The following CRB1 variants were observed in gnomAD, a reference collection of about 807,000 sequenced individuals.
CRB1 encodes the protein crumbs cell polarity complex component 1.
Under a neutral mutation model 120.0 loss-of-function variants are expected in CRB1, and 83 were observed. That is an observed-to-expected ratio of 0.69 (90% CI 0.58 to 0.83). CRB1 has a LOEUF of 0.83. Among genes scored for constraint, CRB1 ranks in the 40% least tolerant of loss-of-function variants. The probability of loss-of-function intolerance (pLI) is 0.00; values close to 1 mark genes in which losing one functional copy is unlikely to be tolerated. For synonymous variants in CRB1, 625 were observed against 612.5 expected, an observed-to-expected ratio of 1.02 and a Z score of -0.30; for missense variants, 1,699 against 1,687.6, an observed-to-expected ratio of 1.01 and a Z score of -0.12.
chr1:197,384,175 T>A (rs953128429), intron 5 of CRB1, among the ~76,000 whole-genome samples: 2 of 152,184 alleles, frequency 1.3e-5, no homozygotes, highest in African/African-American at 4.8e-5. Context: ...TAAAAAATCC[T>A]CTAAGGTATC....
chr1:197,298,593 G>A (rs373136771), intron 1 of CRB1, among the ~76,000 whole-genome samples: 2 of 152,060 alleles, frequency 1.3e-5, no homozygotes, highest in African/African-American at 2.4e-5. Flanking sequence ...CACTCCTGAG[G>A]AAGAATAATG....
At position 197,334,623 on chromosome 1, in the gene CRB1, C is replaced by G. The variant is rs1367252969; in HGVS notation, c.652+5620C>G. 2.0e-5 allele frequency among the ~76,000 whole-genome samples: 3 copies of G among 152,144 alleles called. No individual in the cohort carries two copies. In the East Asian group the frequency reaches 5.8e-4, roughly 29 times the overall value. On this transcript the variant is annotated intron_variant, in intron 2 of 11. Coordinates refer to ENST00000367400, the MANE Select transcript of CRB1 (RefSeq NM_201253.3). ...ACACCAAGCCCACTGGAACCTTGGT[C>G]TTGAACTTTTAAACATCCGGAGCTA... is the stretch of plus-strand genomic sequence containing the variant.
chr1:197,464,841 T>C (rs1666685538), intron 11 of CRB1, among the ~76,000 whole-genome samples: 1 of 152,208 alleles, frequency 6.6e-6, no homozygotes, highest in African/African-American at 2.4e-5. Context: ...CTTTCTTAAA[T>C]AGATCTCCAA....
Position 197,429,610 on chromosome 1 carries a change from T to C in CRB1, c.2838T>C (p.Phe946=), listed in dbSNP as rs1265701669. 2 of 1,613,824 alleles carry C rather than the reference T, an allele frequency of 1.2e-6. No individual in the cohort carries two copies. The highest frequency in any genetic ancestry group is 2.7e-5 in the African/African-American group (2 of 74,910). Reference sequence around the variant, plus strand: ...AGTGCCAGCCGGTGCTTCAAGGATTTGAATGTAGGTAGAGTTCAAACCTAC... The same window carrying C: ...AGTGCCAGCCGGTGCTTCAAGGATTCGAATGTAGGTAGAGTTCAAACCTAC... ...GAQCQPVLQG[F]ECIANAVFNG... is the part of the protein sequence containing the mutation. The change falls in exon 8 of 12, where the codon TTT becomes TTC. Residue 946 remains phenylalanine (F), a synonymous_variant. Transcript: ENST00000367400.
Position 197,435,554 on chromosome 1 carries a change from A to T in CRB1, c.3691A>T (p.Ser1231Cys), listed in dbSNP as rs1301603175. 1 of 1,613,450 alleles carries T rather than the reference A, an allele frequency of 6.2e-7. No homozygotes were observed. The highest frequency in any genetic ancestry group is 8.5e-7 in the Non-Finnish European group (1 of 1,179,718). ...GTGTGCAAATGGAGCCACCTGCATT[A>T]GTCATACTAATGGCTATTCTTGCCT... ...HQCANGATCI[S>C]HTNGYSCLCF... The change falls in exon 9 of 12, where the codon AGT becomes TGT. Residue 1231 changes from serine to cysteine, a missense_variant. By Grantham distance (112) the Ser-to-Cys change is moderately radical. Transcript: ENST00000367400.
At chr1:197,318,995 C>A (rs910088760) in intron 1 of CRB1, among the ~76,000 whole-genome samples, 1 of 151,702 alleles carries the variant, frequency 6.6e-6, no homozygotes, top group Non-Finnish European at 1.5e-5. Context: ...TCATTACAAG[C>A]AAATGATAAA....
intron 5 of CRB1, among the ~76,000 whole-genome samples, chr1:197,365,745 G>A (rs1383213072): frequency 2.0e-5 from 3 of 151,336 alleles, no homozygotes; most frequent in Admixed American, 6.6e-5. Context: ...AGCCAACCTC[G>A]GCCACCTTCT....
At position 197,299,534 on chromosome 1, in the gene CRB1, A is replaced by G. The variant is rs145074334; in HGVS notation, c.71-28888A>G. On this transcript the variant is annotated intron_variant, in intron 1 of 11. Transcript: ENST00000367400. ...ACTAAAGGAAAAATCTTCAATGTGT[A>G]TGTGCAATCGTGTACAAATCAAAAT... Among the ~76,000 whole-genome samples, 24 of 151,598 alleles carry G rather than the reference A, an allele frequency of 1.6e-4. No homozygotes were observed. In the East Asian group the frequency reaches 4.1e-3, roughly 26 times the overall value.
At chr1:197,444,819 G>GT (rs1235190089) in intron 11 of CRB1, 2 of 151,896 alleles carry the variant, frequency 1.3e-5, no homozygotes, top group East Asian at 3.9e-4. Context: ...CTTTGTTTCT[G>GT]TATCTTCTCT....
chr1:197,426,327 T>A (rs777186442), intron 6 of CRB1, among the ~76,000 whole-genome samples: 11 of 152,100 alleles, frequency 7.2e-5, no homozygotes, highest in Non-Finnish European at 1.0e-4. Flanking sequence ...GATATCACTT[T>A]CTCAGAGTTC....
intron 1 of CRB1, among the ~76,000 whole-genome samples, chr1:197,273,521 C>A (rs1402802486): frequency 6.6e-6 from 1 of 152,060 alleles, no homozygotes; most frequent in Non-Finnish European, 1.5e-5. Context: ...TGATCTCTCT[C>A]CTGGAGGGAA....
chr1:197,362,953 C>T (rs1185891209), intron 5 of CRB1, among the ~76,000 whole-genome samples: 1 of 151,998 alleles, frequency 6.6e-6, no homozygotes, highest in South Asian at 2.1e-4. Context: ...CTTTCTTTCT[C>T]TTTACTTCCT....
At chr1:197,344,254 T>G (rs1393581933) in intron 2 of CRB1, 27 bp from the exon 3 acceptor site, 1 of 1,611,998 alleles carries the variant, frequency 6.2e-7, no homozygotes, top group Admixed American at 1.7e-5. Context: ...ACTTTTTCTG[T>G]TTTTTCTGTG....
At chr1:197,392,579 A>C (rs1662561156) in intron 5 of CRB1, among the ~76,000 whole-genome samples, 1 of 152,138 alleles carries the variant, frequency 6.6e-6, no homozygotes, top group South Asian at 2.1e-4. Context: ...TTCAATCTCA[A>C]GAAAAGACCC....
At chr1:197,344,188 A>G in intron 2 of CRB1, 93 bp from the exon 3 acceptor site, 1 of 1,198,976 alleles carries the variant, frequency 8.3e-7, no homozygotes, top group Admixed American at 1.7e-5. Context: ...ACATTTGACA[A>G]GTGCTCTGGT....
rs148522793 is a variant in CRB1 at position 197,348,546 on chromosome 1, C to T, written c.988+1067C>T. On this transcript the variant is annotated intron_variant, in intron 4 of 11. Coordinates refer to ENST00000367400, the MANE Select transcript of CRB1 (RefSeq NM_201253.3). Reference sequence around the variant, plus strand: ...GGCTGGAATGCAGTGGTGTGATCTCCGCTCACTATAAGCTCCGCCTCCCGG... The same window carrying T: ...GGCTGGAATGCAGTGGTGTGATCTCTGCTCACTATAAGCTCCGCCTCCCGG... Among the ~76,000 whole-genome samples, 97 of 152,110 alleles carry T rather than the reference C, an allele frequency of 6.4e-4. 1 individual carries two copies. In the East Asian group the frequency reaches 0.017, roughly 27 times the overall value.
intron 1 of CRB1, among the ~76,000 whole-genome samples, chr1:197,292,281 T>G (rs1656232953): frequency 6.6e-6 from 1 of 152,140 alleles, no homozygotes; most frequent in Non-Finnish European, 1.5e-5. Context: ...CAGAGAATAC[T>G]ATAAACACCT....
At chr1:197,381,297 A>C (rs1661943418) in intron 5 of CRB1, among the ~76,000 whole-genome samples, 1 of 152,262 alleles carries the variant, frequency 6.6e-6, no homozygotes, top group Admixed American at 6.5e-5. Context: ...ATAATAGAAA[A>C]ATAAAAGGAG....
the CRB1 span, among the ~76,000 whole-genome samples, chr1:197,232,115 A>G: frequency 6.6e-6 from 1 of 152,190 alleles, no homozygotes; most frequent in East Asian, 1.9e-4. Context: ...ATGATGCAGC[A>G]ATGAACTAAG....
Sources: gnomAD v4.1 joint callset for allele counts (sites outside exome capture counted in the v4.1 genomes callset) on GRCh38, gnomAD v4.1.1 for gene constraint, MANE v1.5 for transcripts, NCBI Gene and HGNC (gene_info 2026-07-23, HGNC 2026-07-21) for gene names.